The following TMBIM1 variants were observed in gnomAD, a reference collection of about 807,000 sequenced individuals.
The protein encoded by TMBIM1 is transmembrane BAX inhibitor motif containing 1.
A neutral mutation model predicts 45.1 loss-of-function variants in TMBIM1; 34 were observed. The ratio of observed to expected loss-of-function variants is 0.75; its 90% CI spans 0.57 to 1.00. The LOEUF (loss-of-function observed/expected upper bound fraction) is 1.00. Among genes scored for constraint, TMBIM1 ranks in the 50% least tolerant of loss-of-function variants. TMBIM1 has a pLI of 0.00. For missense variants in TMBIM1, 374 were observed against 402.4 expected (o/e 0.93, Z 0.60); for synonymous variants, 157 against 153.5 (o/e 1.02, Z -0.17).
Position 218,279,317 on chromosome 2 carries a change from C to T in TMBIM1, c.340G>A (p.Val114Met), listed in dbSNP as rs757941477. 1.3e-6 allele frequency: 2 copies of T among 1,588,378 alleles called. No individual in the cohort carries two copies. Among genetic ancestry groups the T allele is most frequent in the Non-Finnish European group, 1.7e-6 (2 of 1,167,502 alleles). Residue 114 changes from valine (V) to methionine (M), a missense_variant, in exon 4 of 12, where the codon GTG becomes ATG. Physicochemically the swap from Val to Met is conservative, Grantham distance 21. Coordinates refer to ENST00000258412, the MANE Select transcript of TMBIM1 (RefSeq NM_022152.6). ...SIISVQLLIT[V>M]AIIAIFTFVE... ...AAGGTGAAGATAGCAATGATGGCCA[C>T]AGTGATGAGCAGCTGCACGGAGATG... is the stretch of plus-strand genomic sequence containing the variant.
At position 218,274,484 on chromosome 2, in the gene TMBIM1, TG is replaced by T. The variant is rs1010523859; in HGVS notation, c.*990del. On this transcript the variant is annotated 3_prime_UTR_variant, in exon 12 of 12. Transcript: ENST00000258412. ...GTCACCTTCCTCTTAGGACCCTCCC[TG>T]GGTTAGCAGAAGGAAAGAACCCAGA... 1 of 154,058 alleles carries T rather than the reference TG, an allele frequency of 6.5e-6. No homozygotes were observed. The highest frequency in any genetic ancestry group is 1.5e-5 in the Non-Finnish European group (1 of 68,218). The allele number at this position is 154,058 out of a possible 1,614,324, so 9.5% of individuals were successfully genotyped here.
At chr2:218,287,020 C>T (rs745877990) in intron 1 of TMBIM1, among the ~76,000 whole-genome samples, 1 of 152,104 alleles carries the variant, frequency 6.6e-6, no homozygotes, top group South Asian at 2.1e-4. Context: ...CTCATAGCCA[C>T]GAGAGCAAAT....
At chr2:218,291,223 C>T (rs933037330) in intron 1 of TMBIM1, among the ~76,000 whole-genome samples, 1 of 152,166 alleles carries the variant, frequency 6.6e-6, no homozygotes, top group Non-Finnish European at 1.5e-5. Flanking sequence ...GGTCATAGCA[C>T]AGAAAGACAG....
chr2:218,277,656 GC>G lies in TMBIM1; in HGVS notation c.527del (p.Gly176AlafsTer3). ...ACCTGGAAATGGTGCCCGTCATGAAGCCCATGGCAAAAGTCTAAGGGAAGGA... is the reference window on the plus strand; with the variant it reads ...ACCTGGAAATGGTGCCCGTCATGAAGCCATGGCAAAAGTCTAAGGGAAGGA... Reference protein sequence around the residue: ...ILLTLFTFAMGFMTGTISSMY... With the variant: ...ILLTLFTFAMXFMTGTISSMY... On this transcript the variant is annotated frameshift_variant, in exon 8 of 12. Transcript: ENST00000258412. LOFTEE classifies it high-confidence loss of function. 6.2e-7 allele frequency: 1 copy of G among 1,614,154 alleles called. No homozygotes were observed. The highest frequency in any genetic ancestry group is 8.5e-7 in the Non-Finnish European group (1 of 1,180,032).
At chr2:218,288,604 T>C (rs1286307463) in intron 1 of TMBIM1, among the ~76,000 whole-genome samples, 1 of 152,178 alleles carries the variant, frequency 6.6e-6, no homozygotes, top group African/African-American at 2.4e-5. Flanking sequence ...CTCAAAGGAA[T>C]GCTCACTGGA....
chr2:218,280,378 CCACTGGGGGTT>C (rs1691777342), intron 2 of TMBIM1: 2 of 429,764 alleles, frequency 4.7e-6, no homozygotes, highest in East Asian at 4.9e-5. Flanking sequence ...CCAGCCCACG[CCACTGGGGGTT>C]CACTGGGGGG....
chr2:218,286,174 C>T (rs1375165933), intron 1 of TMBIM1, among the ~76,000 whole-genome samples: 2 of 152,110 alleles, frequency 1.3e-5, no homozygotes, highest in Admixed American at 6.6e-5. Flanking sequence ...TCCCAAAATA[C>T]AGTAGGCATT....
At chr2:218,279,929 A>G in intron 3 of TMBIM1, 97 bp downstream of exon 3, 1 of 885,552 alleles carries the variant, frequency 1.1e-6, no homozygotes, top group Non-Finnish European at 1.9e-6. Flanking sequence ...AGTGTATTTC[A>G]TGGAATTGAT....
At chr2:218,291,618 T>G (rs1300808795) in intron 1 of TMBIM1, among the ~76,000 whole-genome samples, 1 of 152,008 alleles carries the variant, frequency 6.6e-6, no homozygotes, top group East Asian at 1.9e-4. Flanking sequence ...GGAGACCCCA[T>G]AGGACAAGAA....
Position 218,282,155 on chromosome 2 carries a change from C to T in TMBIM1, c.-14G>A. 2 of 1,469,688 alleles carry T rather than the reference C, an allele frequency of 1.4e-6. No homozygotes were observed. Among genetic ancestry groups the T allele is most frequent in the Non-Finnish European group, 1.8e-6 (2 of 1,111,690 alleles). The allele number at this position is 1,469,688 out of a possible 1,614,324, so 91.0% of individuals were successfully genotyped here. A position where few individuals can be genotyped will look rare whatever the true frequency, so the allele number is the denominator to read the frequency against. On this transcript the variant is annotated 5_prime_UTR_variant, in exon 2 of 12. Coordinates refer to ENST00000258412, the MANE Select transcript of TMBIM1 (RefSeq NM_022152.6). ...GGGGTTGGACATGGCTGCTCACGGG[C>T]TGAGGGGGAACCCCAGCTGCTGGGA...
At chr2:218,283,082 C>G (rs969738565) in intron 1 of TMBIM1, among the ~76,000 whole-genome samples, 20 of 152,124 alleles carry the variant, frequency 1.3e-4, no homozygotes, top group African/African-American at 4.8e-4. Context: ...GCAGTGCTAG[C>G]AGGGAGGACA....
rs576987324 is a variant in TMBIM1 at position 218,287,880 on chromosome 2, C to G, written c.-41+4586G>C. 4.2e-4 allele frequency among the ~76,000 whole-genome samples: 64 copies of G among 152,248 alleles called. 2 individuals carry two copies. In the South Asian group the frequency reaches 7.2e-3, roughly 17 times the overall value. On this transcript the variant is annotated intron_variant, in intron 1 of 11. Transcript: ENST00000258412. ...GGGGATCACGAGAGGACCCAGGCACCGCAGCTCCGCCACCCTTGTCTGGAG... is the reference window on the plus strand; with the variant it reads ...GGGGATCACGAGAGGACCCAGGCACGGCAGCTCCGCCACCCTTGTCTGGAG...
intron 2 of TMBIM1, 99 bp downstream of exon 2, chr2:218,281,841 A>T: frequency 1.0e-6 from 1 of 954,720 alleles, no homozygotes; most frequent in Non-Finnish European, 1.6e-6. Context: ...AAAGGGATTT[A>T]AGGGAAACTA....
chr2:218,275,734 A>C, intron 11 of TMBIM1, 113 bp from the exon 12 acceptor site: 1 of 1,285,374 alleles, frequency 7.8e-7, no homozygotes, highest in Non-Finnish European at 1.1e-6. Flanking sequence ...TTAGGGCCAC[A>C]TTAACGCACA....
intron 10 of TMBIM1, among the ~76,000 whole-genome samples, chr2:218,276,647 G>A (rs1012581668): frequency 6.7e-6 from 1 of 148,418 alleles, no homozygotes; most frequent in East Asian, 2.0e-4. Flanking sequence ...AGAGACCCCC[G>A]CAAGGTCCCT....
At position 218,278,507 on chromosome 2, in the gene TMBIM1, G is replaced by A; in HGVS notation, c.473+8C>T. 1 of 1,614,004 alleles carries A rather than the reference G, an allele frequency of 6.2e-7. No individual in the cohort carries two copies. On this transcript the variant is annotated splice_region_variant and intron_variant, in intron 6 of 11. Coordinates refer to ENST00000258412, the MANE Select transcript of TMBIM1 (RefSeq NM_022152.6). The stretch of plus-strand genomic sequence containing the variant: ...CCCCTCTCACTGTGTTAAGTCTCTG[G>A]GACTCACCTGGGTCCCTGGCAGCAG...
At chr2:218,279,974 T>G in intron 3 of TMBIM1, 52 bp downstream of exon 3, 1 of 1,418,424 alleles carries the variant, frequency 7.1e-7, no homozygotes. Context: ...CACTTCCCAT[T>G]CCCACAGCCT....
At chr2:218,277,204 G>T in intron 9 of TMBIM1, 105 bp from the exon 10 acceptor site, 1 of 1,180,710 alleles carries the variant, frequency 8.5e-7, no homozygotes, top group Non-Finnish European at 1.3e-6. Flanking sequence ...GGGGGTATGG[G>T]AATGTCCACA....
chr2:218,288,845 C>T (rs1014987785), intron 1 of TMBIM1, among the ~76,000 whole-genome samples: 10 of 152,024 alleles, frequency 6.6e-5, no homozygotes, highest in African/African-American at 2.2e-4. Context: ...TCAAAATGGT[C>T]CCATTTTGGA....
Sources: gnomAD v4.1 joint callset for allele counts (sites outside exome capture counted in the v4.1 genomes callset) on GRCh38, gnomAD v4.1.1 for gene constraint, MANE v1.5 for transcripts, NCBI Gene and HGNC (gene_info 2026-07-23, HGNC 2026-07-21) for gene names.